The following CACNA2D3 variants were observed in gnomAD, a reference collection of about 807,000 sequenced individuals.
CACNA2D3 encodes calcium voltage-gated channel auxiliary subunit alpha2delta 3, also known as voltage-dependent calcium channel subunit alpha-2/delta-3.
Under a neutral mutation model 160.6 loss-of-function variants are expected in CACNA2D3, and 60 were observed. That is an observed-to-expected ratio of 0.37 (90% CI 0.30 to 0.46). The LOEUF (loss-of-function observed/expected upper bound fraction) is 0.46. Ranked by LOEUF, CACNA2D3 falls within the 20% of genes least tolerant of loss-of-function variation. CACNA2D3 has a pLI of 1.00. For missense variants in CACNA2D3, 1,205 were observed against 1,365.0 expected (o/e 0.88, Z 1.85); for synonymous variants, 558 against 492.9 (o/e 1.13, Z -1.75).
intron 2 of CACNA2D3, among the ~76,000 whole-genome samples, chr3:54,136,273 T>G (rs1231256245): frequency 2.0e-5 from 3 of 152,238 alleles, no homozygotes; most frequent in Admixed American, 6.5e-5. Flanking sequence ...GAACAATTAG[T>G]CAATCGTTTA....
intron 2 of CACNA2D3, among the ~76,000 whole-genome samples, chr3:54,219,189 C>G (rs1159324394): frequency 3.9e-5 from 6 of 152,204 alleles, no homozygotes; most frequent in African/African-American, 7.2e-5. Context: ...CTCTCAAGAG[C>G]TGATTGTGCT....
At chr3:54,558,819 T>C (rs948593576) in intron 5 of CACNA2D3, among the ~76,000 whole-genome samples, 1 of 152,186 alleles carries the variant, frequency 6.6e-6, no homozygotes, top group Admixed American at 6.5e-5. Context: ...ATCCCCATTT[T>C]ACAAATAAGG....
At chr3:54,868,454 ACT>A (rs1364670367) in intron 17 of CACNA2D3, among the ~76,000 whole-genome samples, 2 of 152,092 alleles carry the variant, frequency 1.3e-5, no homozygotes, top group Non-Finnish European at 2.9e-5. Flanking sequence ...TTATTCCATC[ACT>A]CTCTAATCAT....
At chr3:54,805,415 T>A (rs1703096263) in intron 13 of CACNA2D3, among the ~76,000 whole-genome samples, 1 of 152,188 alleles carries the variant, frequency 6.6e-6, no homozygotes, top group Non-Finnish European at 1.5e-5. Flanking sequence ...CAGAGAATAC[T>A]ACAAACACCT....
chr3:55,009,587 C>A lies in CACNA2D3; in HGVS notation c.2875+144C>A, dbSNP rs956455584. On this transcript the variant is annotated intron_variant, in intron 34 of 37. Coordinates refer to ENST00000474759, the MANE Select transcript of CACNA2D3 (RefSeq NM_018398.3). ...TTCAGCTCTGTCAGCAAAAAGCCAG[C>A]CTTTGTGCTAAGTGCTGTGCTATCT... 7 of 713,880 alleles carry A rather than the reference C, an allele frequency of 9.8e-6. No individual in the cohort carries two copies. The African/African-American group carries it at 1.2e-4, about 12-fold the overall frequency. 44.2% of individuals were successfully genotyped at this position (713,880 alleles called of 1,614,324 possible).
chr3:54,745,037 CACACAG>C (rs1701727934), intron 11 of CACNA2D3, among the ~76,000 whole-genome samples: 1 of 152,328 alleles, frequency 6.6e-6, no homozygotes, highest in South Asian at 2.1e-4. Context: ...TATAATAAGG[CACACAG>C]ACACAGAAAT....
intron 6 of CACNA2D3, among the ~76,000 whole-genome samples, chr3:54,565,459 G>A (rs1702394751): frequency 6.6e-6 from 1 of 152,068 alleles, no homozygotes; most frequent in South Asian, 2.1e-4. Flanking sequence ...TTCACACATA[G>A]GCCTTCACCA....
intron 4 of CACNA2D3, among the ~76,000 whole-genome samples, chr3:54,496,431 G>A (rs543635750): frequency 9.2e-5 from 14 of 152,276 alleles, no homozygotes; most frequent in Admixed American, 7.8e-4. Flanking sequence ...TTGGTCTGCG[G>A]ATTGACCATT....
chr3:54,233,141 C>T (rs1387157022), intron 2 of CACNA2D3, among the ~76,000 whole-genome samples: 1 of 152,152 alleles, frequency 6.6e-6, no homozygotes, highest in Non-Finnish European at 1.5e-5. Flanking sequence ...TTTTCATTCA[C>T]TCCACTTTTC....
chr3:55,036,263 A>G (rs1485995848), intron 35 of CACNA2D3, among the ~76,000 whole-genome samples: 1 of 151,960 alleles, frequency 6.6e-6, no homozygotes, highest in African/African-American at 2.4e-5. Context: ...CCTGGCCAAC[A>G]TGGTGAAACT....
At chr3:54,580,631 G>T (rs1029480547) in intron 8 of CACNA2D3, among the ~76,000 whole-genome samples, 2 of 152,184 alleles carry the variant, frequency 1.3e-5, no homozygotes, top group Non-Finnish European at 2.9e-5. Flanking sequence ...GGCACCTACT[G>T]TGGGTCCAGC....
At chr3:54,369,673 C>T (rs1486202802) in intron 3 of CACNA2D3, among the ~76,000 whole-genome samples, 5 of 152,146 alleles carry the variant, frequency 3.3e-5, no homozygotes, top group African/African-American at 1.2e-4. Flanking sequence ...TCGGCCTTTC[C>T]CACCTGGGAC....
chr3:54,510,498 A>G (rs56742552), intron 5 of CACNA2D3, among the ~76,000 whole-genome samples: 3,289 of 152,238 alleles, frequency 0.022, 128 homozygotes, highest in African/African-American at 0.076. Flanking sequence ...CTTTCCCAAA[A>G]TCCAAGTGAG....
Position 54,970,786 on chromosome 3 carries a change from G to A in CACNA2D3, c.2556+942G>A, listed in dbSNP as rs118035369. Among the ~76,000 whole-genome samples, 4 of 151,502 alleles carry A rather than the reference G, an allele frequency of 2.6e-5. No homozygotes were observed. The East Asian group carries it at 8.0e-4, about 30-fold the overall frequency. ...CCCTCTGCCCCACGTTTTGGAGCAG[G>A]CAGAAGCATGGTGGCCTTTTCACTT... On this transcript the variant is annotated intron_variant, in intron 29 of 37. Transcript: ENST00000474759.
intron 2 of CACNA2D3, among the ~76,000 whole-genome samples, chr3:54,191,836 C>G (rs1700989139): frequency 6.6e-6 from 1 of 152,146 alleles, no homozygotes; most frequent in Non-Finnish European, 1.5e-5. Context: ...TACACAGAGC[C>G]CAGATCCGGT....
intron 9 of CACNA2D3, among the ~76,000 whole-genome samples, chr3:54,624,516 G>A (rs919426429): frequency 3.3e-5 from 5 of 152,200 alleles, no homozygotes; most frequent in African/African-American, 1.2e-4. Flanking sequence ...CAGCTACTCT[G>A]GAGGCTGAGG....
chr3:54,133,938 C>A (rs1699766813), intron 2 of CACNA2D3, among the ~76,000 whole-genome samples: 1 of 152,120 alleles, frequency 6.6e-6, no homozygotes, highest in Non-Finnish European at 1.5e-5. Context: ...AAAATGGGGT[C>A]ATGATAGGGA....
At chr3:54,288,691 G>A (rs1442153596) in intron 2 of CACNA2D3, among the ~76,000 whole-genome samples, 1 of 152,118 alleles carries the variant, frequency 6.6e-6, no homozygotes, top group Non-Finnish European at 1.5e-5. Context: ...CTGGCAAACT[G>A]AATCCAGCAG....
chr3:54,766,246 TAATCTCC>T (rs1379741770), intron 13 of CACNA2D3, among the ~76,000 whole-genome samples: 1 of 152,086 alleles, frequency 6.6e-6, no homozygotes, highest in East Asian at 1.9e-4. Flanking sequence ...GAAGAATTAA[TAATCTCC>T]AATATACAAA....
Sources: gnomAD v4.1 joint callset for allele counts (sites outside exome capture counted in the v4.1 genomes callset) on GRCh38, gnomAD v4.1.1 for gene constraint, MANE v1.5 for transcripts, NCBI Gene and HGNC (gene_info 2026-07-23, HGNC 2026-07-21) for gene names.